Variants in PDE2A observed in about 807,000 individuals in gnomAD.
The protein encoded by PDE2A is phosphodiesterase 2A.
Under a neutral mutation model 133.6 loss-of-function variants are expected in PDE2A, and 53 were observed. The observed-to-expected ratio is 0.40, with a 90% CI of 0.32 to 0.50. The LOEUF (loss-of-function observed/expected upper bound fraction) is 0.50, where lower values mean the gene tolerates loss of function less well. Ranked by LOEUF, PDE2A falls within the 20% of genes least tolerant of loss-of-function variation. PDE2A has a pLI of 0.73. For missense variants in PDE2A, 796 were observed against 1,232.4 expected (o/e 0.65, Z 5.30); for synonymous variants, 491 against 490.2 (o/e 1.00, Z -0.02).
intron 2 of PDE2A, chr11:72,615,246 C>A: frequency 3.3e-6 from 1 of 302,164 alleles, no homozygotes; most frequent in Non-Finnish European, 8.0e-6. Context: ...TCTCGCCCTT[C>A]CCAAGCCAGT....
At chr11:72,618,088 G>A (rs1857565636) in intron 2 of PDE2A, among the ~76,000 whole-genome samples, 2 of 152,148 alleles carry the variant, frequency 1.3e-5, no homozygotes, top group Non-Finnish European at 1.5e-5. Context: ...TAGCTCCTGG[G>A]AACACCCCCT....
chr11:72,581,523 C>A, intron 22 of PDE2A, 44 bp from the exon 23 acceptor site: 1 of 1,553,360 alleles, frequency 6.4e-7, no homozygotes, highest in East Asian at 2.3e-5. Context: ...AGCCTCTCCT[C>A]CTCCATCACG....
intron 2 of PDE2A, among the ~76,000 whole-genome samples, chr11:72,614,537 T>C (rs1234484923): frequency 6.6e-6 from 1 of 152,116 alleles, no homozygotes; most frequent in Non-Finnish European, 1.5e-5. Context: ...AGAGTGCTTG[T>C]TAAAGTGCAG....
At chr11:72,608,779 GCTTTGCC>G (rs2135361488) in intron 2 of PDE2A, 28 bp from the exon 3 acceptor site, 2 of 1,320,094 alleles carry the variant, frequency 1.5e-6, no homozygotes, top group East Asian at 4.9e-5. Flanking sequence ...GCAGTGAGAG[GCTTTGCC>G]AGGCAGGCCA....
chr11:72,660,046 C>CT (rs1277059841), intron 1 of PDE2A, among the ~76,000 whole-genome samples: 2 of 152,230 alleles, frequency 1.3e-5, no homozygotes, highest in African/African-American at 4.8e-5. Context: ...AAACCCAGTA[C>CT]TTCTCACACT....
chr11:72,594,381 G>C (rs1315389589), intron 6 of PDE2A, among the ~76,000 whole-genome samples: 1 of 152,200 alleles, frequency 6.6e-6, no homozygotes, highest in East Asian at 1.9e-4. Flanking sequence ...GGGGCTGCCT[G>C]TGCTACCTCT....
chr11:72,587,391 C>G (rs1856023916), intron 13 of PDE2A, among the ~76,000 whole-genome samples: 1 of 152,224 alleles, frequency 6.6e-6, no homozygotes, highest in African/African-American at 2.4e-5. Flanking sequence ...GAGCTGAGCC[C>G]CACCCTGGCT....
In PDE2A at chr11:72,642,272, T is replaced by A; in HGVS notation, c.126A>T (p.Pro42=). The part of the protein sequence containing the change: ...KPDEPPPPPQ[P]CADSLQDALL... ...CCCCTACCTGCAGGCTGTCGGCGCA[T>A]GGCTGCGGCGGCGGCGGCGGCTCGT... The change falls in exon 2 of 31, where the codon CCA becomes CCT. Residue 42 remains proline (P), a synonymous_variant. Coordinates refer to ENST00000334456, the MANE Select transcript of PDE2A (RefSeq NM_002599.5). 1.3e-6 allele frequency: 2 copies of A among 1,546,924 alleles called. No homozygotes were observed. The highest frequency in any genetic ancestry group is 1.7e-6 in the Non-Finnish European group (2 of 1,149,580).
chr11:72,577,855 C>T (rs1239377244), intron 30 of PDE2A, among the ~76,000 whole-genome samples: 1 of 152,126 alleles, frequency 6.6e-6, no homozygotes, highest in Non-Finnish European at 1.5e-5. Context: ...GCCTGTAATC[C>T]CAGCTACTTG....
chr11:72,599,585 G>A (rs1192765168), intron 4 of PDE2A, among the ~76,000 whole-genome samples: 2 of 152,234 alleles, frequency 1.3e-5, no homozygotes, highest in African/African-American at 4.8e-5. Context: ...AGCTCACATG[G>A]AGACACCTTT....
chr11:72,590,699 G>T lies in PDE2A; in HGVS notation c.550-119C>A. 1 of 982,416 alleles carries T rather than the reference G, an allele frequency of 1.0e-6. No individual in the cohort carries two copies. The highest frequency in any genetic ancestry group is 1.4e-6 in the Non-Finnish European group (1 of 725,524). 60.9% of individuals were successfully genotyped at this position (982,416 alleles called of 1,614,324 possible). A position where few individuals can be genotyped will look rare whatever the true frequency, so the allele number is the denominator to read the frequency against. On this transcript the variant is annotated intron_variant, in intron 7 of 30. Transcript: ENST00000334456. This position sits in a 1 kb window ranked among gnomAD's most constrained non-coding sequence, Gnocchi z 4.8. The stretch of plus-strand genomic sequence containing the variant: ...GCCTGCCGGGCCCAGGGACCCCGCC[G>T]CCGTCCCAAACACCTCATCCCTGGA...
At chr11:72,581,055 T>C (rs1036296484) in intron 23 of PDE2A, 82 bp from the exon 24 acceptor site, 12 of 1,005,366 alleles carry the variant, frequency 1.2e-5, no homozygotes, top group Non-Finnish European at 1.7e-5. Flanking sequence ...AGACAGGAGA[T>C]GACATGCCCA....
chr11:72,605,837 A>C (rs4944563), intron 3 of PDE2A, among the ~76,000 whole-genome samples: 20,589 of 149,296 alleles, frequency 0.14, 1,600 homozygotes, highest in East Asian at 0.23. Context: ...AGGGTGCAGA[A>C]TGGGCTCCCA....
At position 72,577,447 on chromosome 11, in the gene PDE2A, C is replaced by G; in HGVS notation, c.2763G>C (p.Glu921Asp). 6.2e-7 allele frequency: 1 copy of G among 1,614,052 alleles called. No homozygotes were observed. The highest frequency in any genetic ancestry group is 8.5e-7 in the Non-Finnish European group (1 of 1,179,998). ...NSLDFLDEEY[E>D]VPDLDGTRAP... is the part of the protein sequence containing the mutation. ...CCCTAGTGCCATCCAGATCAGGCAC[C>G]TCGTACTCCTCATCCAGGAAGTCCA... Residue 921 changes from glutamate to aspartate, a missense_variant, in exon 31 of 31, where the codon GAG (glutamate) becomes GAC (aspartate). Around this residue, in one of 7 missense-constraint regions of PDE2A, gnomAD observed 83 missense variants for 99.0 expected, o/e 0.84. Transcript: ENST00000334456.
At chr11:72,654,862 A>G (rs1591133432) in intron 1 of PDE2A, among the ~76,000 whole-genome samples, 1 of 152,082 alleles carries the variant, frequency 6.6e-6, no homozygotes, top group Non-Finnish European at 1.5e-5. Context: ...TCACATCCCC[A>G]CAGCTCCAGC....
chr11:72,591,095 A>T, intron 7 of PDE2A: 1 of 608,054 alleles, frequency 1.6e-6, no homozygotes, highest in Non-Finnish European at 3.0e-6. Context: ...GCCCTAGGTC[A>T]GTCGGTGCTA....
chr11:72,610,482 G>A (rs1857156356), intron 2 of PDE2A, among the ~76,000 whole-genome samples: 1 of 152,134 alleles, frequency 6.6e-6, no homozygotes, highest in South Asian at 2.1e-4. Flanking sequence ...GGTCTTCTTG[G>A]CTGCAGTTTC....
chr11:72,597,640 C>T lies in PDE2A; in HGVS notation c.324-21G>A, dbSNP rs370803848. On this transcript the variant is annotated intron_variant, in intron 4 of 30. Transcript: ENST00000334456. This position sits in a 1 kb window ranked among gnomAD's most constrained non-coding sequence, Gnocchi z 4.6. The stretch of plus-strand genomic sequence containing the variant: ...CCTCCCTGAAAAGAGGACATGATGC[C>T]ACCTTGAGAGCCCCCGACTCAGGGA... 2.6e-6 allele frequency: 4 copies of T among 1,522,344 alleles called. No individual in the cohort carries two copies. The African/African-American group carries it at 4.1e-5, about 16-fold the overall frequency. 94.3% of individuals were successfully genotyped at this position (1,522,344 alleles called of 1,614,324 possible). A position where few individuals can be genotyped will look rare whatever the true frequency, so the allele number is the denominator to read the frequency against.
At chr11:72,661,733 G>A (rs562196714) in intron 1 of PDE2A, among the ~76,000 whole-genome samples, 7 of 152,338 alleles carry the variant, frequency 4.6e-5, no homozygotes, top group South Asian at 2.1e-4. Context: ...AACCACAGGC[G>A]GCTCCCTCTG....
Sources: gnomAD v4.1 joint callset for allele counts (sites outside exome capture counted in the v4.1 genomes callset) on GRCh38, gnomAD v4.1.1 for gene constraint, gnomAD v4.1.1 regional missense constraint, Gnocchi (gnomAD v3.1) non-coding constraint, MANE v1.5 for transcripts, NCBI Gene and HGNC (gene_info 2026-07-23, HGNC 2026-07-21) for gene names.